HAUS2: variants seen among roughly 807,000 people sequenced by gnomAD.
HAUS2 encodes the protein HAUS augmin-like complex subunit 2.
In HAUS2, 20 loss-of-function variants were observed where a neutral mutation model predicts 21.6. The ratio of observed to expected loss-of-function variants is 0.93; its 90% confidence interval spans 0.65 to 1.35. The LOEUF (loss-of-function observed/expected upper bound fraction) is 1.35. HAUS2 is among the 40% of genes most tolerant of loss of function. HAUS2 has a pLI of 0.00. For synonymous variants in HAUS2, 113 were observed against 95.6 expected, an observed-to-expected ratio of 1.18 and a Z score of -1.06; for missense variants, 297 against 280.7, an observed-to-expected ratio of 1.06 and a Z score of -0.42.
intron 1 of HAUS2, among the ~76,000 whole-genome samples, chr15:42,550,314 A>G (rs1174559172): frequency 6.6e-6 from 1 of 151,212 alleles, no homozygotes; most frequent in Non-Finnish European, 1.5e-5. Context: ...CACTACAAAC[A>G]TGATGGAAGA....
intron 1 of HAUS2, among the ~76,000 whole-genome samples, chr15:42,556,567 A>G (rs2057778550): frequency 6.6e-6 from 1 of 151,980 alleles, no homozygotes; most frequent in South Asian, 2.1e-4. Context: ...CCAGCCTGTT[A>G]TAAAATATTG....
In HAUS2 at chr15:42,565,857, G is replaced by T. The variant is rs75004918; in HGVS notation, c.499-750G>T. Among the ~76,000 whole-genome samples the T allele has an allele frequency of 7.8e-3, 1,195 of 152,258 alleles. 12 individuals are homozygous for T. Among genetic ancestry groups the T allele is most frequent in the African/African-American group, 0.027 (1,143 of 41,566 alleles). The stretch of plus-strand genomic sequence containing the variant: ...CAAGGGACACATCAAAAATAATGAA[G>T]TTTCTAGTCTGGGTGACTTGAAGGT... On this transcript the variant is annotated intron_variant, in intron 5 of 5. Coordinates refer to ENST00000260372, the MANE Select transcript of HAUS2 (RefSeq NM_018097.3).
At chr15:42,564,468 A>G (rs892413535) in intron 5 of HAUS2, among the ~76,000 whole-genome samples, 1 of 152,134 alleles carries the variant, frequency 6.6e-6, no homozygotes, top group African/African-American at 2.4e-5. Flanking sequence ...CCTGCCTTCA[A>G]ATTCTCAACG....
chr15:42,567,400 CA>C lies in HAUS2; in HGVS notation c.*592del, dbSNP rs531873864. On this transcript the variant is annotated 3_prime_UTR_variant, in exon 6 of 6. Transcript: ENST00000260372. ...TGGGCGACACAGTAAGACCCTGTCT[CA>C]AAAAAAAGAAGTGTGTTTCTGGCCA... 2.0e-5 allele frequency: 3 copies of C among 152,486 alleles called. No homozygotes were observed. The highest frequency in any genetic ancestry group is 6.6e-5 in the Admixed American group (1 of 15,220). 9.4% of individuals were successfully genotyped at this position (152,486 alleles called of 1,614,324 possible).
chr15:42,557,173 G>A lies in HAUS2; in HGVS notation c.94-1025G>A, dbSNP rs1300882567. On this transcript the variant is annotated intron_variant, in intron 1 of 5. Transcript: ENST00000260372. ...ACTAAAAAATACAAAAAAATTAGCC[G>A]GGCATGGTGGTGGGCGCCTGTAGTC... is the stretch of plus-strand genomic sequence containing the variant. 2.7e-5 allele frequency among the ~76,000 whole-genome samples: 4 copies of A among 145,968 alleles called. No individual in the cohort carries two copies. The South Asian group carries it at 6.5e-4, about 24-fold the overall frequency.
At chr15:42,559,448 A>C (rs762975508) in intron 3 of HAUS2, 40 bp downstream of exon 3, 1 of 1,192,598 alleles carries the variant, frequency 8.4e-7, no homozygotes, top group South Asian at 1.2e-5. Flanking sequence ...TGGAATTTCA[A>C]CTTTTTCTTG....
intron 1 of HAUS2, among the ~76,000 whole-genome samples, chr15:42,550,566 C>A (rs1367707707): frequency 6.6e-6 from 1 of 152,300 alleles, no homozygotes; most frequent in South Asian, 2.1e-4. Flanking sequence ...TTGTTGAACA[C>A]CCATTGTCTG....
intron 1 of HAUS2, among the ~76,000 whole-genome samples, chr15:42,553,209 A>T (rs968787442): frequency 5.3e-5 from 8 of 151,426 alleles, no homozygotes; most frequent in Non-Finnish European, 1.2e-4. Context: ...CAGTTCTCGA[A>T]CTCCTGACCT....
intron 2 of HAUS2, among the ~76,000 whole-genome samples, chr15:42,558,826 C>CA (rs1246339533): frequency 2.6e-5 from 4 of 152,070 alleles, no homozygotes; most frequent in African/African-American, 7.2e-5. Context: ...GACATGGTGG[C>CA]ACACACCTGT....
chr15:42,560,217 G>T (rs1457487539), intron 3 of HAUS2, among the ~76,000 whole-genome samples: 1 of 152,024 alleles, frequency 6.6e-6, no homozygotes, highest in Non-Finnish European at 1.5e-5. Flanking sequence ...GTTTAAATAT[G>T]GACTGTATTA....
At chr15:42,558,323 T>TA in intron 2 of HAUS2, 33 bp downstream of exon 2, 1 of 796,040 alleles carries the variant, frequency 1.3e-6, no homozygotes. Context: ...TCTTTTTTTT[T>TA]TTTTTTTTTT....
intron 3 of HAUS2, among the ~76,000 whole-genome samples, chr15:42,559,638 A>G (rs1413154567): frequency 1.3e-5 from 2 of 152,216 alleles, no homozygotes; most frequent in African/African-American, 4.8e-5. Flanking sequence ...AGAACTTGAA[A>G]GACAAAGTCT....
chr15:42,562,724 G>A (rs903691123), intron 4 of HAUS2, among the ~76,000 whole-genome samples: 15 of 152,324 alleles, frequency 9.8e-5, no homozygotes, highest in Middle Eastern at 3.4e-3. Flanking sequence ...TTTTGCAAGT[G>A]CAGAGATTCA....
chr15:42,558,266 A>C lies in HAUS2; in HGVS notation c.162A>C (p.Thr54=), dbSNP rs749512792. ...FVNFTRLQQI[T]NIQAEIYQKN... ...ACTTCACCAGACTACAGCAGATCACAAATATTCAAGCTGAAATCTACCAGG... is the reference window on the plus strand; with the variant it reads ...ACTTCACCAGACTACAGCAGATCACCAATATTCAAGCTGAAATCTACCAGG... Residue 54 remains threonine, a synonymous_variant, in exon 2 of 6, where the codon ACA becomes ACC. Transcript: ENST00000260372. 4 of 1,456,008 alleles carry C rather than the reference A, an allele frequency of 2.7e-6. No homozygotes were observed. The highest frequency in any genetic ancestry group is 3.5e-5 in the Admixed American group (2 of 57,522). 90.2% of individuals were successfully genotyped at this position (1,456,008 alleles called of 1,614,324 possible).
In HAUS2 at chr15:42,558,179, CT is replaced by C; in HGVS notation, c.94-17del. The stretch of plus-strand genomic sequence containing the variant: ...CTTTTTGTGACATTCTGCTACTTTC[CT>C]TATTCATTTACCAATAGGAGATGTT... On this transcript the variant is annotated intron_variant, in intron 1 of 5. Coordinates refer to ENST00000260372, the MANE Select transcript of HAUS2 (RefSeq NM_018097.3). The C allele has an allele frequency of 1.8e-6, 2 of 1,091,442 alleles. No homozygotes were observed. The highest frequency in any genetic ancestry group is 1.4e-6 in the Non-Finnish European group (1 of 715,848). 67.6% of individuals were successfully genotyped at this position (1,091,442 alleles called of 1,614,324 possible).
chr15:42,553,857 CAA>C (rs112605540), intron 1 of HAUS2, among the ~76,000 whole-genome samples: 20,025 of 151,836 alleles, frequency 0.13, 1,627 homozygotes, highest in African/African-American at 0.23. Context: ...CTGAGAGAAA[CAA>C]AGAAAAAAGG....
At position 42,567,398 on chromosome 15, in the gene HAUS2, C is replaced by G. The variant is rs763785898; in HGVS notation, c.*582C>G. 6.5e-6 allele frequency: 1 copy of G among 153,054 alleles called. No individual in the cohort carries two copies. The highest frequency in any genetic ancestry group is 1.5e-5 in the Non-Finnish European group (1 of 68,882). 9.5% of individuals were successfully genotyped at this position (153,054 alleles called of 1,614,324 possible). On this transcript the variant is annotated 3_prime_UTR_variant, in exon 6 of 6. Transcript: ENST00000260372. ...CCTGGGCGACACAGTAAGACCCTGT[C>G]TCAAAAAAAAGAAGTGTGTTTCTGG...
At chr15:42,558,563 A>G (rs879481361) in intron 2 of HAUS2, among the ~76,000 whole-genome samples, 9 of 151,806 alleles carry the variant, frequency 5.9e-5, no homozygotes, top group Non-Finnish European at 1.0e-4. Context: ...TCCTGACCCC[A>G]TGATCTGCCC....
chr15:42,553,533 C>T (rs1346178757), intron 1 of HAUS2, among the ~76,000 whole-genome samples: 2 of 151,684 alleles, frequency 1.3e-5, no homozygotes, highest in South Asian at 2.1e-4. Context: ...AGTTGTACTT[C>T]CTATTTATTA....
Sources: allele counts gnomAD v4.1 joint callset (sites outside exome capture counted in the v4.1 genomes callset), GRCh38; gene constraint gnomAD v4.1.1; transcripts MANE v1.5; gene names NCBI Gene and HGNC (gene_info 2026-07-23, HGNC 2026-07-21).